Variants in SH3BP5 observed in about 807,000 individuals in gnomAD.
The protein encoded by SH3BP5 is SH3 domain-binding protein 5.
SH3BP5 carries 22 observed loss-of-function variants against 43.3 expected under a neutral mutation model. That is an observed-to-expected ratio of 0.51 (90% CI 0.36 to 0.73). The LOEUF (loss-of-function observed/expected upper bound fraction) is 0.73. Among genes scored for constraint, SH3BP5 ranks in the 30% least tolerant of loss-of-function variants. SH3BP5 has a pLI of 0.00. For synonymous variants in SH3BP5, 255 were observed against 225.8 expected, an observed-to-expected ratio of 1.13 and a Z score of -1.16; for missense variants, 529 against 586.9, an observed-to-expected ratio of 0.90 and a Z score of 1.02.
chr3:15,287,490 C>T (rs969665340), intron 3 of SH3BP5, among the ~76,000 whole-genome samples: 1 of 152,228 alleles, frequency 6.6e-6, no homozygotes, highest in African/African-American at 2.4e-5. Flanking sequence ...ACAGAACTTT[C>T]TGCAATAATG....
rs746360106 is a variant in SH3BP5 at position 15,259,811 on chromosome 3, AGACAG to A, written c.627-13_627-9del. On this transcript the variant is annotated splice_polypyrimidine_tract_variant and intron_variant, in intron 5 of 8. Coordinates refer to ENST00000383791, the MANE Select transcript of SH3BP5 (RefSeq NM_004844.5). ...TTGAGTTCAAAATAAGGCCTGCAGA[AGACAG>A]GAAGGAAAGCCATCAGAGTAATATA... 3.1e-6 allele frequency: 5 copies of A among 1,613,610 alleles called. No individual in the cohort carries two copies. Among genetic ancestry groups the A allele is most frequent in the Non-Finnish European group, 1.7e-6 (2 of 1,179,582 alleles).
chr3:15,290,319 G>A (rs140533940), intron 3 of SH3BP5, among the ~76,000 whole-genome samples: 137 of 152,096 alleles, frequency 9.0e-4, no homozygotes, highest in African/African-American at 3.2e-3. Context: ...ACGAGGTCAG[G>A]AGATGGAGAC....
rs536938262 is a variant in SH3BP5, at chr3:15,269,063, C to T, written c.495+650G>A. Among the ~76,000 whole-genome samples, 3 of 152,258 alleles carry T rather than the reference C, an allele frequency of 2.0e-5. No homozygotes were observed. In the South Asian group the frequency reaches 6.2e-4, roughly 32 times the overall value. On this transcript the variant is annotated intron_variant, in intron 4 of 8. Transcript: ENST00000383791. ...GTTTAGTATTTTGTCTTGGCCTGTA[C>T]AGACTAAGGCACACCATTTCTGGCT...
At chr3:15,312,653 A>C (rs185511310) in intron 2 of SH3BP5, among the ~76,000 whole-genome samples, 3 of 152,312 alleles carry the variant, frequency 2.0e-5, no homozygotes, top group African/African-American at 7.2e-5. Context: ...GTCAGGGAGA[A>C]AGACTCCATT....
chr3:15,269,110 G>A (rs183013271), intron 4 of SH3BP5, among the ~76,000 whole-genome samples: 28 of 152,264 alleles, frequency 1.8e-4, no homozygotes, highest in African/African-American at 6.0e-4. Context: ...AGTCAGAGAG[G>A]TGGTCATGAG....
intron 3 of SH3BP5, among the ~76,000 whole-genome samples, chr3:15,277,385 C>T (rs920861699): frequency 6.6e-6 from 1 of 152,188 alleles, no homozygotes; most frequent in South Asian, 2.1e-4. Flanking sequence ...ACACAGTGGC[C>T]ACCGTCACAC....
At chr3:15,267,890 G>A (rs1696687693) in intron 4 of SH3BP5, among the ~76,000 whole-genome samples, 2 of 152,226 alleles carry the variant, frequency 1.3e-5, no homozygotes, top group East Asian at 1.9e-4. Context: ...TGAAATGCTT[G>A]CTTATAGGCT....
At position 15,340,601 on chromosome 3, in the gene SH3BP5, A is replaced by C. The variant is rs1460623483; in HGVS notation, c.-402+622T>G. Among the ~76,000 whole-genome samples, 3 of 151,922 alleles carry C rather than the reference A, an allele frequency of 2.0e-5. No homozygotes were observed. In the East Asian group the frequency reaches 5.8e-4, roughly 30 times the overall value. On this transcript the variant is annotated intron_variant, in intron 1 of 8. Coordinates refer to the SH3BP5 transcript ENST00000408919. ...CCCCGTCTCTACTAAAAATACAAAA[A>C]TTAGCCAGGCGTGGTGGCAGGCACC...
chr3:15,263,472 A>G (rs1189033137), intron 4 of SH3BP5, among the ~76,000 whole-genome samples: 2 of 152,372 alleles, frequency 1.3e-5, no homozygotes, highest in East Asian at 3.9e-4. Flanking sequence ...GGATCCAGAA[A>G]GGGCAAACTT....
At chr3:15,335,264 G>C (rs1698687638), upstream of SH3BP5, among the ~76,000 whole-genome samples, 1 of 152,098 alleles carries the variant, frequency 6.6e-6, no homozygotes, top group Admixed American at 6.5e-5. Flanking sequence ...TGTAATCCCA[G>C]CTACTCGAGA....
At chr3:15,298,325 G>T (rs1697634172) in intron 3 of SH3BP5, among the ~76,000 whole-genome samples, 2 of 152,124 alleles carry the variant, frequency 1.3e-5, no homozygotes, top group South Asian at 2.1e-4. Flanking sequence ...CCTGCCAAAG[G>T]TCCCACAGCT....
chr3:15,318,714 T>C (rs1202921940), intron 2 of SH3BP5, among the ~76,000 whole-genome samples: 1 of 152,142 alleles, frequency 6.6e-6, no homozygotes, highest in Non-Finnish European at 1.5e-5. Flanking sequence ...AGGCATGCAC[T>C]GCAATACCTG....
At chr3:15,322,075 G>A (rs1479001387) in intron 2 of SH3BP5, among the ~76,000 whole-genome samples, 4 of 152,114 alleles carry the variant, frequency 2.6e-5, no homozygotes, top group Non-Finnish European at 5.9e-5. Context: ...ATGGTGGTGG[G>A]CTCCTGTAAT....
At chr3:15,294,549 T>C (rs890833348) in intron 3 of SH3BP5, among the ~76,000 whole-genome samples, 1 of 152,076 alleles carries the variant, frequency 6.6e-6, no homozygotes, top group Non-Finnish European at 1.5e-5. Flanking sequence ...TCCCTTCACA[T>C]TCTCTTAGAT....
intron 1 of SH3BP5, among the ~76,000 whole-genome samples, chr3:15,339,154 C>T (rs1174590433): frequency 1.3e-5 from 2 of 152,152 alleles, no homozygotes; most frequent in Non-Finnish European, 2.9e-5. Context: ...TCAGAGCCTC[C>T]ACATTAAAGA....
chr3:15,295,559 C>A (rs111450267), intron 3 of SH3BP5, among the ~76,000 whole-genome samples: 2 of 152,150 alleles, frequency 1.3e-5, no homozygotes, highest in Non-Finnish European at 2.9e-5. Context: ...GGCTGTGATG[C>A]GCCTTATGGA....
At chr3:15,263,082 G>C (rs1696509050) in intron 4 of SH3BP5, among the ~76,000 whole-genome samples, 1 of 152,186 alleles carries the variant, frequency 6.6e-6, no homozygotes, top group Admixed American at 6.5e-5. Flanking sequence ...TTTTGAAAAA[G>C]CCTTGTGAGG....
At chr3:15,293,718 G>T (rs1187722520) in intron 3 of SH3BP5, among the ~76,000 whole-genome samples, 2 of 152,092 alleles carry the variant, frequency 1.3e-5, no homozygotes, top group Non-Finnish European at 2.9e-5. Context: ...TCCTGTCCTC[G>T]CAAGGTCTGT....
intron 4 of SH3BP5, among the ~76,000 whole-genome samples, chr3:15,266,328 T>C (rs1696645318): frequency 6.6e-6 from 1 of 152,216 alleles, no homozygotes; most frequent in Admixed American, 6.5e-5. Context: ...CATCCCAGGC[T>C]CATATCCACT....
Sources: allele counts gnomAD v4.1 joint callset (sites outside exome capture counted in the v4.1 genomes callset), GRCh38; gene constraint gnomAD v4.1.1; transcripts MANE v1.5; gene names NCBI Gene and HGNC (gene_info 2026-07-23, HGNC 2026-07-21).